TG: variants seen among roughly 807,000 people sequenced by gnomAD.
TG encodes thyroid hormones.
Under a neutral mutation model 324.7 loss-of-function variants are expected in TG, and 270 were observed. The ratio of observed to expected loss-of-function variants is 0.83; its 90% CI spans 0.75 to 0.92. The LOEUF (loss-of-function observed/expected upper bound fraction) is 0.92, where lower values mean the gene tolerates loss of function less well. Among genes scored for constraint, TG ranks in the 40% least tolerant of loss-of-function variants. TG has a pLI of 0.00. For missense variants in TG, 3,591 were observed against 3,456.4 expected, an observed-to-expected ratio of 1.04 and a Z score of -0.98; for synonymous variants, 1,401 against 1,327.0, an observed-to-expected ratio of 1.06 and a Z score of -1.21.
At chr8:133,099,487 C>T (rs947442299) in intron 43 of TG, among the ~76,000 whole-genome samples, 1 of 152,200 alleles carries the variant, frequency 6.6e-6, no homozygotes, top group African/African-American at 2.4e-5. Flanking sequence ...CATGTGTCTG[C>T]ACACAGATTT....
intron 29 of TG, among the ~76,000 whole-genome samples, chr8:132,965,557 G>A (rs73710729): frequency 0.018 from 2,743 of 152,284 alleles, 91 homozygotes; most frequent in African/African-American, 0.062. Context: ...TCTTGCCATC[G>A]TTGTACATCC....
At chr8:132,965,854 C>T (rs1215441940) in intron 29 of TG, among the ~76,000 whole-genome samples, 1 of 152,164 alleles carries the variant, frequency 6.6e-6, no homozygotes, top group Non-Finnish European at 1.5e-5. Context: ...CAAATCAAGA[C>T]AATCCGAGTT....
chr8:133,126,943 G>A (rs1358579153), intron 45 of TG, among the ~76,000 whole-genome samples: 1 of 152,130 alleles, frequency 6.6e-6, no homozygotes, highest in Non-Finnish European at 1.5e-5. Context: ...ATGGGGATGA[G>A]GTCAACAGAC....
intron 10 of TG, among the ~76,000 whole-genome samples, chr8:132,891,182 G>T (rs924574555): frequency 6.6e-6 from 1 of 152,166 alleles, no homozygotes; most frequent in African/African-American, 2.4e-5. Context: ...AGAGGAGTTT[G>T]TCCAGTTGCA....
At chr8:132,944,430 T>C (rs1322729447) in intron 26 of TG, among the ~76,000 whole-genome samples, 1 of 152,194 alleles carries the variant, frequency 6.6e-6, no homozygotes. Flanking sequence ...CCCTTCTTTT[T>C]GTATCCAAGT....
intron 41 of TG, among the ~76,000 whole-genome samples, chr8:133,041,784 GTTTT>G (rs529937626): frequency 0.15 from 18,592 of 123,924 alleles, 1,705 homozygotes; most frequent in East Asian, 0.45. Flanking sequence ...CTTGTGGTCA[GTTTT>G]TTTTTTTTTT....
intron 21 of TG, among the ~76,000 whole-genome samples, chr8:132,920,820 T>G (rs1434768935): frequency 2.0e-5 from 3 of 152,230 alleles, no homozygotes; most frequent in Non-Finnish European, 2.9e-5. Flanking sequence ...GTCAGCTCCC[T>G]CCTGTATTGG....
intron 44 of TG, among the ~76,000 whole-genome samples, chr8:133,115,018 G>A (rs1850561352): frequency 6.6e-6 from 1 of 152,162 alleles, no homozygotes; most frequent in Non-Finnish European, 1.5e-5. Flanking sequence ...CCCTGGGCTG[G>A]ACCATAAGAA....
intron 27 of TG, among the ~76,000 whole-genome samples, chr8:132,954,674 G>T (rs1746188013): frequency 6.6e-6 from 1 of 152,152 alleles, no homozygotes; most frequent in African/African-American, 2.4e-5. Flanking sequence ...CTCCCTCAGA[G>T]CCCTGGGCAT....
chr8:133,031,006 A>AT (rs1436167758), intron 41 of TG, among the ~76,000 whole-genome samples: 1 of 152,112 alleles, frequency 6.6e-6, no homozygotes, highest in Non-Finnish European at 1.5e-5. Context: ...TTGTTTTATG[A>AT]TTTTAACCAT....
At chr8:132,881,500 C>T (rs74586572) in intron 5 of TG, among the ~76,000 whole-genome samples, 4,587 of 152,228 alleles carry the variant, frequency 0.03, 230 homozygotes, top group African/African-American at 0.1. Flanking sequence ...CCTTTAGTCT[C>T]GAGAGCTGTA....
rs1305492574 is a variant in TG at position 132,888,050 on chromosome 8, A to G, written c.2243A>G (p.Asn748Ser). The G allele has an allele frequency of 6.2e-7, 1 of 1,613,602 alleles. No individual in the cohort carries two copies. Among genetic ancestry groups the G allele is most frequent in the African/African-American group, 1.3e-5 (1 of 74,716 alleles). The change falls in exon 10 of 48, where the codon AAC becomes AGC. Residue 748 changes from asparagine (N) to serine (S), a missense_variant. Physicochemically the swap from Asn to Ser is conservative, Grantham distance 46. Coordinates refer to ENST00000220616, the MANE Select transcript of TG (RefSeq NM_003235.5). ...AGGACGGTGCAGGCCCTGCTCTCTA[A>G]CTCCAGCATGCTACCCACCCTTTCC... The part of the protein sequence containing the change: ...FLRTVQALLS[N>S]SSMLPTLSDT...
At chr8:132,923,251 C>T in intron 21 of TG, 87 bp from the exon 22 acceptor site, 6 of 1,451,032 alleles carry the variant, frequency 4.1e-6, no homozygotes, top group Non-Finnish European at 5.8e-6. Context: ...GACTTGGACA[C>T]CTTGTCAATG....
chr8:133,070,486 T>G (rs895051505), intron 41 of TG, among the ~76,000 whole-genome samples: 1 of 152,158 alleles, frequency 6.6e-6, no homozygotes, highest in Non-Finnish European at 1.5e-5. Flanking sequence ...ACATACTGTT[T>G]TATAGACAAG....
At chr8:133,125,304 G>A (rs1459195510) in intron 45 of TG, among the ~76,000 whole-genome samples, 1 of 152,198 alleles carries the variant, frequency 6.6e-6, no homozygotes, top group Non-Finnish European at 1.5e-5. Context: ...TACTAGGAAG[G>A]AGGTCCACTA....
chr8:132,885,801 T>G (rs940672508), intron 8 of TG, among the ~76,000 whole-genome samples: 137 of 152,138 alleles, frequency 9.0e-4, no homozygotes, highest in African/African-American at 3.3e-3. Flanking sequence ...AGGGCCATGC[T>G]CTCCCTGAAG....
intron 27 of TG, among the ~76,000 whole-genome samples, chr8:132,953,161 A>C (rs144681500): frequency 6.6e-6 from 1 of 152,314 alleles, no homozygotes; most frequent in Non-Finnish European, 1.5e-5. Flanking sequence ...AAGGGAACAG[A>C]AGATTCAGGA....
rs755075753 is a variant in TG at position 132,923,556 on chromosome 8, T to C, written c.4699+48T>C. On this transcript the variant is annotated intron_variant, in intron 22 of 47. Transcript: ENST00000220616. ...GTCATGGTTCCTGGGGACTGGGGAG[T>C]AGTCTCAAGGGCTTTTTAGAAAGGG... 16 of 1,589,248 alleles carry C rather than the reference T, an allele frequency of 1.0e-5. No individual in the cohort carries two copies. In the South Asian group the frequency reaches 1.7e-4, roughly 17 times the overall value.
rs781377138 is a variant in TG, at chr8:133,022,056, G to C, written c.6942G>C (p.Trp2314Cys). 6.8e-6 allele frequency: 11 copies of C among 1,614,166 alleles called. No individual in the cohort carries two copies. The highest frequency in any genetic ancestry group is 8.5e-6 in the Non-Finnish European group (10 of 1,180,032). ...NTMDREESEG[W>C]PAIDGSFLAA... ...TGGACAGGGAGGAGAGTGAAGGATGGCCGGCTATCGACGGCTCCTTCTTGG... is the reference window on the plus strand; with the variant it reads ...TGGACAGGGAGGAGAGTGAAGGATGCCCGGCTATCGACGGCTCCTTCTTGG... Residue 2314 changes from tryptophan to cysteine, a missense_variant, in exon 40 of 48, where the codon TGG becomes TGC. Physicochemically the swap from Trp to Cys is radical, Grantham distance 215. Coordinates refer to ENST00000220616, the MANE Select transcript of TG (RefSeq NM_003235.5).
Sources: gnomAD v4.1 joint callset for allele counts (sites outside exome capture counted in the v4.1 genomes callset) on GRCh38, gnomAD v4.1.1 for gene constraint, MANE v1.5 for transcripts, NCBI Gene and HGNC (gene_info 2026-07-23, HGNC 2026-07-21) for gene names.